PIP5K1A: variants seen among roughly 807,000 people sequenced by gnomAD.
PIP5K1A encodes phosphatidylinositol-4-phosphate 5-kinase type 1 alpha, also known as phosphatidylinositol 4-phosphate 5-kinase type-1 alpha.
In PIP5K1A, 46 loss-of-function variants were observed where a neutral mutation model predicts 72.9. The ratio of observed to expected loss-of-function variants is 0.63; its 90% confidence interval spans 0.50 to 0.81. The LOEUF (loss-of-function observed/expected upper bound fraction) is 0.81, where lower values mean the gene tolerates loss of function less well. Among genes scored for constraint, PIP5K1A ranks in the 30% least tolerant of loss-of-function variants. PIP5K1A has a pLI of 0.00. For synonymous variants in PIP5K1A, 228 were observed against 255.1 expected (o/e 0.89, Z 1.01); for missense variants, 458 against 706.1 (o/e 0.65, Z 3.98).
intron 1 of PIP5K1A, among the ~76,000 whole-genome samples, chr1:151,223,211 C>T (rs1412649723): frequency 6.6e-6 from 1 of 151,970 alleles, no homozygotes; most frequent in East Asian, 1.9e-4. Context: ...ATCAGCCAGG[C>T]ATGGTGGCGG....
intron 1 of PIP5K1A, among the ~76,000 whole-genome samples, chr1:151,215,651 T>C (rs1233780895): frequency 6.6e-6 from 1 of 152,216 alleles, no homozygotes; most frequent in Non-Finnish European, 1.5e-5. Flanking sequence ...TAAAAAAGTC[T>C]GGCTGCAGAG....
rs761408791 is a variant in PIP5K1A, at chr1:151,247,846, A to G, written c.1687-17A>G. On this transcript the variant is annotated splice_polypyrimidine_tract_variant and intron_variant, in intron 15 of 15. Coordinates refer to ENST00000368888, the MANE Select transcript of PIP5K1A (RefSeq NM_001135638.2). ...TCTCATACTCCACATCCTTAACTTT[A>G]CACTCTCCCTTTTCAGTAAGCGCAA... is the stretch of plus-strand genomic sequence containing the variant. 1 of 1,603,604 alleles carries G rather than the reference A, an allele frequency of 6.2e-7. No individual in the cohort carries two copies. Among genetic ancestry groups the G allele is most frequent in the South Asian group, 1.1e-5 (1 of 90,540 alleles).
intron 15 of PIP5K1A, among the ~76,000 whole-genome samples, chr1:151,247,527 G>A (rs1039499144): frequency 3.9e-5 from 6 of 152,078 alleles, no homozygotes; most frequent in Non-Finnish European, 7.4e-5. Context: ...CCAGGTTCAC[G>A]CCATTCTGCT....
At chr1:151,211,722 C>T (rs1686827010) in intron 1 of PIP5K1A, among the ~76,000 whole-genome samples, 1 of 151,740 alleles carries the variant, frequency 6.6e-6, no homozygotes, top group Non-Finnish European at 1.5e-5. Flanking sequence ...GGGAGAATGG[C>T]ATGAACCCGG....
Position 151,227,419 on chromosome 1 carries a change from G to T in PIP5K1A, c.237+19G>T, listed in dbSNP as rs368838946. ...TAAAAAGGTGTGTCTGGATGAAACC[G>T]TCTCATCTTACTCCAGGAGCTCAGC... On this transcript the variant is annotated intron_variant, in intron 4 of 15. Coordinates refer to ENST00000368888, the MANE Select transcript of PIP5K1A (RefSeq NM_001135638.2). 6.5e-7 allele frequency: 1 copy of T among 1,546,810 alleles called. No individual in the cohort carries two copies. Among genetic ancestry groups the T allele is most frequent in the Middle Eastern group, 1.7e-4 (1 of 5,950 alleles).
chr1:151,227,284 ATGGG>A (rs1689295319), intron 3 of PIP5K1A, 32 bp from the exon 4 acceptor site: 1 of 1,305,650 alleles, frequency 7.7e-7, no homozygotes, highest in South Asian at 1.2e-5. Flanking sequence ...GGTGTCTTAC[ATGGG>A]AATTGTATTA....
chr1:151,222,618 G>C (rs923326045), intron 1 of PIP5K1A, among the ~76,000 whole-genome samples: 1 of 152,148 alleles, frequency 6.6e-6, no homozygotes, highest in Non-Finnish European at 1.5e-5. Context: ...GCAGATGCTG[G>C]CTTTTGGTTC....
intron 5 of PIP5K1A, among the ~76,000 whole-genome samples, 157 bp from the exon 6 acceptor site, chr1:151,232,091 T>C (rs1171945347): frequency 6.6e-6 from 1 of 152,154 alleles, no homozygotes; most frequent in Non-Finnish European, 1.5e-5. Context: ...GCTGTGCCAT[T>C]GTCTCACTAA....
chr1:151,229,179 A>C (rs1293808150), intron 4 of PIP5K1A, among the ~76,000 whole-genome samples: 2 of 146,354 alleles, frequency 1.4e-5, no homozygotes, highest in Non-Finnish European at 3.0e-5. Flanking sequence ...AAAAAAAAAA[A>C]AAAAAAAAAA....
intron 1 of PIP5K1A, among the ~76,000 whole-genome samples, chr1:151,208,687 C>G (rs1322203958): frequency 7.3e-6 from 1 of 136,680 alleles, no homozygotes; most frequent in African/African-American, 2.7e-5. Flanking sequence ...TTTGCTTGAT[C>G]CAGTCATTAT....
At chr1:151,204,472 C>T (rs888972052) in intron 1 of PIP5K1A, among the ~76,000 whole-genome samples, 12 of 152,186 alleles carry the variant, frequency 7.9e-5, no homozygotes, top group South Asian at 2.1e-4. Context: ...CCGCCACGCC[C>T]GGCCTGTGGA....
At chr1:151,213,621 T>C (rs367884828) in intron 1 of PIP5K1A, 8 of 152,182 alleles carry the variant, frequency 5.3e-5, no homozygotes, top group African/African-American at 9.6e-5. Context: ...GTAAGACTTA[T>C]ACTTATTTTT....
intron 8 of PIP5K1A, among the ~76,000 whole-genome samples, 156 bp from the exon 9 acceptor site, chr1:151,236,402 G>C (rs1343765460): frequency 2.0e-5 from 3 of 150,286 alleles, no homozygotes; most frequent in Admixed American, 2.0e-4. Context: ...TTTGAGCCTG[G>C]GAGGTTGCAG....
chr1:151,243,272 T>A (rs587749155), intron 14 of PIP5K1A, among the ~76,000 whole-genome samples: 3 of 152,314 alleles, frequency 2.0e-5, no homozygotes, highest in African/African-American at 7.2e-5. Context: ...ATTGTAGCGT[T>A]AGCTCAGAGT....
chr1:151,203,724 T>C (rs1186021178), intron 1 of PIP5K1A, among the ~76,000 whole-genome samples: 1 of 150,944 alleles, frequency 6.6e-6, no homozygotes, highest in African/African-American at 2.4e-5. Flanking sequence ...CTCGGAAGGC[T>C]GAGGCAGGAG....
In PIP5K1A at chr1:151,232,372, A is replaced by C. The variant is rs757382433; in HGVS notation, c.486+7A>C. The C allele has an allele frequency of 6.3e-7, 1 of 1,595,584 alleles. No homozygotes were observed. Among genetic ancestry groups the C allele is most frequent in the Non-Finnish European group, 8.6e-7 (1 of 1,163,066 alleles). ...CCGGCCCGATGATTACTTGGTAAGC[A>C]TCTGGATATCAGGACACTGTGACTC... On this transcript the variant is annotated splice_region_variant and intron_variant, in intron 6 of 15. Coordinates refer to ENST00000368888, the MANE Select transcript of PIP5K1A (RefSeq NM_001135638.2).
intron 1 of PIP5K1A, among the ~76,000 whole-genome samples, chr1:151,201,644 A>G (rs1224709997): frequency 6.6e-6 from 1 of 152,062 alleles, no homozygotes; most frequent in African/African-American, 2.4e-5. Context: ...GCATATCGCA[A>G]GGTCAGGAGT....
chr1:151,198,313 T>C (rs1484950275), upstream of PIP5K1A, among the ~76,000 whole-genome samples: 1 of 151,934 alleles, frequency 6.6e-6, no homozygotes, highest in Non-Finnish European at 1.5e-5. Context: ...CCGACTCTTG[T>C]CCCGAGTTCA....
chr1:151,210,788 T>C (rs193294464), intron 1 of PIP5K1A, among the ~76,000 whole-genome samples: 30 of 152,110 alleles, frequency 2.0e-4, no homozygotes, highest in African/African-American at 6.7e-4. Flanking sequence ...GGTTTTGCCA[T>C]GTTGACCAGG....
Sources: gnomAD v4.1 joint callset for allele counts (sites outside exome capture counted in the v4.1 genomes callset) on GRCh38, gnomAD v4.1.1 for gene constraint, MANE v1.5 for transcripts, NCBI Gene and HGNC (gene_info 2026-07-23, HGNC 2026-07-21) for gene names.